NRXN1: variants seen among roughly 807,000 people sequenced by gnomAD.
The protein encoded by NRXN1 is neurexin-1.
A neutral mutation model predicts 150.9 loss-of-function variants in NRXN1; 39 were observed. The ratio of observed to expected loss-of-function variants is 0.26; its 90% CI spans 0.20 to 0.34. The LOEUF (loss-of-function observed/expected upper bound fraction) is 0.34, where lower values mean the gene tolerates loss of function less well. Ranked by LOEUF, NRXN1 falls within the 10% of genes least tolerant of loss-of-function variation. NRXN1 has a pLI of 1.00. For missense variants in NRXN1, 1,815 were observed against 1,949.9 expected, an observed-to-expected ratio of 0.93 and a Z score of 1.30; for synonymous variants, 924 against 757.0, an observed-to-expected ratio of 1.22 and a Z score of -3.62.
chr2:50,604,914 T>G (rs541155141), intron 8 of NRXN1, among the ~76,000 whole-genome samples: 14 of 152,340 alleles, frequency 9.2e-5, no homozygotes, highest in Admixed American at 7.8e-4. Context: ...AATCCTCATC[T>G]GAAACAGAGA....
At position 50,620,069 on chromosome 2, in the gene NRXN1, G is replaced by A. The variant is rs1490771979; in HGVS notation, c.1273C>T (p.Leu425Phe). 6.2e-7 allele frequency: 1 copy of A among 1,611,750 alleles called. No individual in the cohort carries two copies. Among genetic ancestry groups the A allele is most frequent in the Non-Finnish European group, 8.5e-7 (1 of 1,178,780 alleles). The change falls in exon 8 of 23, where the codon CTT becomes TTT. Residue 425 changes from leucine to phenylalanine, a missense_variant. Coordinates refer to ENST00000401669, the MANE Select transcript of NRXN1 (RefSeq NM_001330078.2). ...TTGTTACTGACTGGTGACCCTGGAA[G>A]GTCGGCTGTGCTGGGACTGCCTCCA... ...YVGGSPSTAD[L>F]PGSPVSNNFM...
intron 15 of NRXN1, among the ~76,000 whole-genome samples, chr2:50,480,699 C>T (rs2090396940): frequency 6.6e-6 from 1 of 152,154 alleles, no homozygotes. Context: ...TAGTTTGTAG[C>T]TTCTATTTCT....
chr2:50,495,833 A>G (rs2091574009), intron 15 of NRXN1, 72 bp downstream of exon 15: 1 of 1,375,262 alleles, frequency 7.3e-7, no homozygotes, highest in Admixed American at 2.4e-5. Flanking sequence ...CACACCCCTA[A>G]GCAAAGGATT....
intron 21 of NRXN1, among the ~76,000 whole-genome samples, chr2:49,993,784 C>T (rs753500961): frequency 6.6e-6 from 1 of 152,184 alleles, no homozygotes; most frequent in Non-Finnish European, 1.5e-5. Flanking sequence ...AATTGCTCAT[C>T]ATAGCAGATA....
chr2:50,739,099 C>T (rs920242576), intron 5 of NRXN1, among the ~76,000 whole-genome samples: 1 of 152,088 alleles, frequency 6.6e-6, no homozygotes, highest in African/African-American at 2.4e-5. Flanking sequence ...ATTTTTGAGT[C>T]CTAATTCAGA....
intron 5 of NRXN1, among the ~76,000 whole-genome samples, chr2:50,743,599 A>G (rs541146063): frequency 6.6e-6 from 1 of 152,200 alleles, no homozygotes; most frequent in Non-Finnish European, 1.5e-5. Flanking sequence ...GCAGATGAAA[A>G]GAAAATGGAA....
At chr2:50,265,294 C>G (rs960381952) in intron 17 of NRXN1, among the ~76,000 whole-genome samples, 3 of 152,092 alleles carry the variant, frequency 2.0e-5, no homozygotes, top group African/African-American at 7.2e-5. Context: ...TTCCCAGAAA[C>G]AAGCAACTTC....
At chr2:50,627,396 C>CAT (rs1559042315) in intron 5 of NRXN1, among the ~76,000 whole-genome samples, 2 of 93,996 alleles carry the variant, frequency 2.1e-5, no homozygotes, top group Non-Finnish European at 4.6e-5. Flanking sequence ...TGTGTGTGTG[C>CAT]GCATACTAAT....
At chr2:50,363,657 T>C (rs944201522) in intron 17 of NRXN1, among the ~76,000 whole-genome samples, 2 of 152,194 alleles carry the variant, frequency 1.3e-5, no homozygotes, top group African/African-American at 4.8e-5. Context: ...TATAAATTAG[T>C]TCAACCATTG....
intron 17 of NRXN1, among the ~76,000 whole-genome samples, chr2:50,433,089 T>G (rs1221479015): frequency 1.3e-5 from 2 of 152,206 alleles, no homozygotes; most frequent in South Asian, 2.1e-4. Context: ...GAAACAAGCT[T>G]CAACTATCTT....
intron 19 of NRXN1, among the ~76,000 whole-genome samples, chr2:50,060,836 C>G: frequency 6.6e-6 from 1 of 152,188 alleles, no homozygotes; most frequent in Non-Finnish European, 1.5e-5. Context: ...CCTCCCCAGC[C>G]ATATGTAACT....
At chr2:50,533,374 C>G (rs1032973111) in intron 10 of NRXN1, among the ~76,000 whole-genome samples, 67 of 152,126 alleles carry the variant, frequency 4.4e-4, no homozygotes, top group African/African-American at 1.6e-3. Context: ...TGATTTACTC[C>G]CTTCAAAAAT....
intron 9 of NRXN1, 115 bp downstream of exon 9, chr2:50,552,472 G>T (rs2105343509): frequency 2.6e-6 from 2 of 756,232 alleles, no homozygotes; most frequent in Non-Finnish European, 4.5e-6. Flanking sequence ...TTTCTTTTAG[G>T]CTAAAGAAAC....
intron 17 of NRXN1, among the ~76,000 whole-genome samples, chr2:50,299,429 A>G (rs2073951876): frequency 6.7e-6 from 1 of 149,578 alleles, no homozygotes; most frequent in Non-Finnish European, 1.5e-5. Context: ...TTTTTTTAAA[A>G]CTGACTTCTA....
chr2:49,934,129 ATGT>A (rs1670607252), intron 22 of NRXN1, among the ~76,000 whole-genome samples: 1 of 152,182 alleles, frequency 6.6e-6, no homozygotes, highest in Non-Finnish European at 1.5e-5. Context: ...ATGATATTTT[ATGT>A]TTTAGGTGTC....
chr2:50,709,245 T>C (rs950162982), intron 5 of NRXN1, among the ~76,000 whole-genome samples: 2 of 152,174 alleles, frequency 1.3e-5, no homozygotes, highest in Admixed American at 6.5e-5. Flanking sequence ...ACACCTGTTA[T>C]ATGCTTGCTA....
At chr2:50,450,205 T>A (rs2086830516) in intron 17 of NRXN1, among the ~76,000 whole-genome samples, 1 of 152,130 alleles carries the variant, frequency 6.6e-6, no homozygotes, top group African/African-American at 2.4e-5. Context: ...GCTTCTGTCT[T>A]CCCAATTAAG....
At chr2:50,041,766 A>T (rs1287101509) in intron 21 of NRXN1, among the ~76,000 whole-genome samples, 1 of 152,200 alleles carries the variant, frequency 6.6e-6, no homozygotes, top group Non-Finnish European at 1.5e-5. Context: ...AAGTCTAAAC[A>T]ATGTCAGTGA....
Position 51,027,707 on chromosome 2 carries a change from G to A in NRXN1, c.567C>T (p.Val189=), listed in dbSNP as rs1238539010. ...PFKGWIRDVR[V]NSSQVLPVDS... ...CCACGGGCAGGACCTGCGAGGAGTT[G>A]ACCCTCACGTCACGAATCCACCCCT... Residue 189 remains valine, a synonymous_variant, in exon 2 of 23, where the codon GTC becomes GTT. Coordinates refer to ENST00000401669, the MANE Select transcript of NRXN1 (RefSeq NM_001330078.2). The A allele has an allele frequency of 6.2e-7, 1 of 1,608,294 alleles. No homozygotes were observed. Among genetic ancestry groups the A allele is most frequent in the African/African-American group, 1.3e-5 (1 of 74,874 alleles).
Sources: allele counts gnomAD v4.1 joint callset (sites outside exome capture counted in the v4.1 genomes callset), GRCh38; gene constraint gnomAD v4.1.1; transcripts MANE v1.5; gene names NCBI Gene and HGNC (gene_info 2026-07-23, HGNC 2026-07-21).